Variants in BBS9 observed in about 807,000 individuals in gnomAD.
The protein encoded by BBS9 is Bardet-Biedl syndrome 9.
In BBS9, 89 loss-of-function variants were observed where a neutral mutation model predicts 117.7. That is an observed-to-expected ratio of 0.76 (90% CI 0.64 to 0.90). The LOEUF is 0.90. Among genes scored for constraint, BBS9 ranks in the 40% least tolerant of loss-of-function variants. BBS9 has a pLI of 0.00. For synonymous variants in BBS9, 379 were observed against 370.9 expected (o/e 1.02, Z -0.25); for missense variants, 982 against 1,042.2 (o/e 0.94, Z 0.80).
At chr7:33,312,753 G>A (rs914637079) in intron 9 of BBS9, among the ~76,000 whole-genome samples, 1 of 152,016 alleles carries the variant, frequency 6.6e-6, no homozygotes, top group East Asian at 1.9e-4. Context: ...AATTATACTT[G>A]TTCTTCTGGG....
intron 4 of BBS9, among the ~76,000 whole-genome samples, chr7:33,168,741 GATA>G (rs1796071048): frequency 6.6e-6 from 1 of 151,910 alleles, no homozygotes; most frequent in Non-Finnish European, 1.5e-5. Context: ...CCTCAAACCA[GATA>G]ATATTTTTAA....
intron 19 of BBS9, among the ~76,000 whole-genome samples, chr7:33,430,978 C>T (rs948746808): frequency 2.0e-5 from 3 of 150,672 alleles, no homozygotes; most frequent in Non-Finnish European, 4.4e-5. Flanking sequence ...CGCTTGAACT[C>T]AGGAGTTTCA....
At chr7:33,536,239 G>A (rs765718493) in intron 21 of BBS9, among the ~76,000 whole-genome samples, 10 of 152,088 alleles carry the variant, frequency 6.6e-5, no homozygotes, top group African/African-American at 1.7e-4. Flanking sequence ...GGTCACAGTC[G>A]CAATGCCTTG....
At chr7:33,160,906 A>C (rs1794739572) in intron 4 of BBS9, among the ~76,000 whole-genome samples, 1 of 152,136 alleles carries the variant, frequency 6.6e-6, no homozygotes, top group African/African-American at 2.4e-5. Context: ...CTAATGTTAT[A>C]ACATCAGCCC....
chr7:33,620,907 C>T (rs1243705372), intron 21 of BBS9, among the ~76,000 whole-genome samples: 1 of 152,112 alleles, frequency 6.6e-6, no homozygotes, highest in Non-Finnish European at 1.5e-5. Context: ...ACCAATGGAA[C>T]ATAACAGAGT....
intron 1 of BBS9, among the ~76,000 whole-genome samples, chr7:33,135,916 A>G (rs984801422): frequency 1.3e-5 from 2 of 151,578 alleles, no homozygotes; most frequent in African/African-American, 4.9e-5. Flanking sequence ...ATTTATTCCT[A>G]AGTATTCTTT....
At chr7:33,294,301 CTATCTATCTAT>C (rs1185386014) in intron 9 of BBS9, among the ~76,000 whole-genome samples, 5 of 53,342 alleles carry the variant, frequency 9.4e-5, no homozygotes, top group African/African-American at 5.4e-4. Flanking sequence ...ATCTATCTAT[CTATCTATCTAT>C]CTATCTATCT....
chr7:33,140,144 C>T (rs896734882), intron 1 of BBS9, among the ~76,000 whole-genome samples: 6 of 152,122 alleles, frequency 3.9e-5, no homozygotes, highest in African/African-American at 1.4e-4. Flanking sequence ...CCTGCCTCAG[C>T]CTCCCGAGTA....
At chr7:33,265,996 T>G (rs1798754072) in intron 7 of BBS9, among the ~76,000 whole-genome samples, 2 of 152,282 alleles carry the variant, frequency 1.3e-5, no homozygotes, top group Admixed American at 1.3e-4. Flanking sequence ...ATAGTGGTGT[T>G]CTTCCATTTG....
intron 5 of BBS9, among the ~76,000 whole-genome samples, chr7:33,225,959 A>C (rs1476037146): frequency 6.6e-6 from 1 of 152,192 alleles, no homozygotes; most frequent in Non-Finnish European, 1.5e-5. Context: ...ATATGCACAC[A>C]TTTGTATATA....
intron 21 of BBS9, among the ~76,000 whole-genome samples, chr7:33,549,357 A>C (rs1191342580): frequency 2.1e-5 from 3 of 144,868 alleles, no homozygotes; most frequent in Admixed American, 7.0e-5. Context: ...CATTCAGGAC[A>C]TAGGCATGGG....
chr7:33,407,808 G>A (rs1563133863), intron 19 of BBS9, among the ~76,000 whole-genome samples: 1 of 152,194 alleles, frequency 6.6e-6, no homozygotes, highest in Non-Finnish European at 1.5e-5. Context: ...TTGTCTCAGA[G>A]GAGTACCCGG....
At chr7:33,325,458 G>C (rs575869171) in intron 9 of BBS9, among the ~76,000 whole-genome samples, 14 of 152,292 alleles carry the variant, frequency 9.2e-5, no homozygotes, top group South Asian at 4.1e-4. Flanking sequence ...ACATATCTCT[G>C]TCTCTCTGGG....
intron 16 of BBS9, among the ~76,000 whole-genome samples, chr7:33,366,543 CTTT>C (rs70989948): frequency 1.7e-4 from 15 of 89,688 alleles, no homozygotes; most frequent in Admixed American, 1.5e-3. Context: ...TCTTTTCTTT[CTTT>C]TTTTTTTTTT....
intron 5 of BBS9, among the ~76,000 whole-genome samples, chr7:33,193,969 G>A (rs1260555330): frequency 6.6e-6 from 1 of 152,064 alleles, no homozygotes. Context: ...GTGTGTGTGA[G>A]GCTTCACATG....
chr7:33,407,221 T>C lies in BBS9; in HGVS notation c.2115+19077T>C, dbSNP rs528625883. 7.4e-3 allele frequency among the ~76,000 whole-genome samples: 1,133 copies of C among 152,308 alleles called. 5 individuals carry two copies. The highest frequency in any genetic ancestry group is 0.012 in the African/African-American group (511 of 41,548). On this transcript the variant is annotated intron_variant, in intron 19 of 22. Coordinates refer to ENST00000242067, the MANE Select transcript of BBS9 (RefSeq NM_198428.3). Reference sequence around the variant, plus strand: ...ACTGATACCCTTTCTTCCTGTTGATTGCATTGGCTCCTGAGGCTTCTGCAT... The same window carrying C: ...ACTGATACCCTTTCTTCCTGTTGATCGCATTGGCTCCTGAGGCTTCTGCAT...
intron 21 of BBS9, among the ~76,000 whole-genome samples, chr7:33,630,445 A>G (rs1009953924): frequency 6.6e-6 from 1 of 152,142 alleles, no homozygotes; most frequent in Admixed American, 6.5e-5. Flanking sequence ...AGTAAATTGC[A>G]CTTACTGCCT....
chr7:33,193,380 A>G (rs562408556), intron 5 of BBS9, among the ~76,000 whole-genome samples: 1 of 140,820 alleles, frequency 7.1e-6, no homozygotes, highest in South Asian at 2.2e-4. Context: ...GTTTTTCTTC[A>G]TCTGTCTTTC....
chr7:33,411,540 G>A (rs1831140420), intron 19 of BBS9, among the ~76,000 whole-genome samples: 1 of 151,992 alleles, frequency 6.6e-6, no homozygotes, highest in South Asian at 2.1e-4. Context: ...CAGATTTCAA[G>A]AAACAACGCA....
Sources: allele counts gnomAD v4.1 joint callset (sites outside exome capture counted in the v4.1 genomes callset), GRCh38; gene constraint gnomAD v4.1.1; transcripts MANE v1.5; gene names NCBI Gene and HGNC (gene_info 2026-07-23, HGNC 2026-07-21).